The following TLE1 variants were observed in gnomAD, a reference collection of about 807,000 sequenced individuals.
The protein encoded by TLE1 is transducin-like enhancer protein 1.
A neutral mutation model predicts 89.8 loss-of-function variants in TLE1; 21 were observed. The ratio of observed to expected loss-of-function variants is 0.23; its 90% CI spans 0.17 to 0.34. The LOEUF (loss-of-function observed/expected upper bound fraction) is 0.34. Among genes scored for constraint, TLE1 ranks in the 10% least tolerant of loss-of-function variants. The pLI is 1.00. For missense variants in TLE1, 795 were observed against 1,031.2 expected, an observed-to-expected ratio of 0.77 and a Z score of 3.14; for synonymous variants, 447 against 407.6, an observed-to-expected ratio of 1.10 and a Z score of -1.16.
intron 4 of TLE1, among the ~76,000 whole-genome samples, chr9:81,655,861 A>G (rs1359080713): frequency 2.0e-5 from 3 of 151,612 alleles, no homozygotes; most frequent in Admixed American, 6.6e-5. Flanking sequence ...TCAAAAAAAA[A>G]AAAAAAAAGA....
At chr9:81,594,491 T>C (rs1018986032) in intron 14 of TLE1, among the ~76,000 whole-genome samples, 2 of 151,576 alleles carry the variant, frequency 1.3e-5, no homozygotes, top group South Asian at 4.2e-4. Context: ...ATGAGAACAA[T>C]GAGATCGCGC....
At chr9:81,645,098 G>A (rs1588103168) in intron 6 of TLE1, among the ~76,000 whole-genome samples, 2 of 150,746 alleles carry the variant, frequency 1.3e-5, no homozygotes, top group African/African-American at 4.9e-5. Context: ...AGTGCCTCAC[G>A]TCAGTAATCC....
intron 9 of TLE1, among the ~76,000 whole-genome samples, chr9:81,617,704 A>C (rs1439277425): frequency 6.6e-6 from 1 of 151,938 alleles, no homozygotes. Context: ...TCTGTCACAA[A>C]AAAATAAATA....
intron 10 of TLE1, 132 bp from the exon 11 acceptor site, chr9:81,616,266 C>T: frequency 9.0e-7 from 1 of 1,110,414 alleles, no homozygotes; most frequent in Non-Finnish European, 1.3e-6. Flanking sequence ...AGGTGACCAA[C>T]ACCATGTTAT....
At chr9:81,685,529 T>C (rs542104200) in intron 4 of TLE1, 147 bp downstream of exon 4, 1 of 691,166 alleles carries the variant, frequency 1.4e-6, no homozygotes, top group South Asian at 2.0e-5. Context: ...TGCAGAATAC[T>C]ACCATCAATC....
chr9:81,613,546 G>A (rs200658295), intron 11 of TLE1, 25 bp from the exon 12 acceptor site: 2 of 1,612,334 alleles, frequency 1.2e-6, no homozygotes, highest in African/African-American at 1.3e-5. Flanking sequence ...CAAATTAAAT[G>A]AGTATTATTT....
chr9:81,671,549 G>A (rs1832225859), intron 4 of TLE1, among the ~76,000 whole-genome samples: 1 of 151,738 alleles, frequency 6.6e-6, no homozygotes, highest in South Asian at 2.1e-4. Flanking sequence ...AGAGGCCAAG[G>A]CAGGAGAATC....
At chr9:81,618,838 T>C (rs1230443582) in intron 9 of TLE1, among the ~76,000 whole-genome samples, 1 of 152,242 alleles carries the variant, frequency 6.6e-6, no homozygotes, top group Non-Finnish European at 1.5e-5. Flanking sequence ...ATTTAAATCT[T>C]AGCTTTGTAC....
intron 14 of TLE1, among the ~76,000 whole-genome samples, chr9:81,606,002 C>A (rs1323615508): frequency 2.0e-5 from 3 of 152,068 alleles, no homozygotes; most frequent in African/African-American, 7.3e-5. Flanking sequence ...TTTATGCAGC[C>A]AACAGACACA....
intron 4 of TLE1, among the ~76,000 whole-genome samples, chr9:81,657,882 G>A (rs1588146403): frequency 6.8e-6 from 1 of 146,716 alleles, no homozygotes; most frequent in Non-Finnish European, 1.5e-5. Context: ...AAAAAAGTCT[G>A]TACATGTTCA....
At chr9:81,585,003 T>TCCATCC (rs1828171362) in intron 18 of TLE1, among the ~76,000 whole-genome samples, 3 of 97,768 alleles carry the variant, frequency 3.1e-5, no homozygotes, top group African/African-American at 1.1e-4. Context: ...TCCATCCATC[T>TCCATCC]ATGCATACTG....
chr9:81,632,686 G>A lies in TLE1; in HGVS notation c.594+662C>T, dbSNP rs1017239617. 3.3e-5 allele frequency among the ~76,000 whole-genome samples: 5 copies of A among 152,148 alleles called. 1 individual carries two copies. The highest frequency in any genetic ancestry group is 7.3e-5 in the Non-Finnish European group (5 of 68,028). ...CAGATCAAATGTACACATGAAAAAT[G>A]AGTGTGACTTAGGCTGGTGAAAACA... On this transcript the variant is annotated intron_variant, in intron 8 of 19. Transcript: ENST00000376499.
At chr9:81,587,908 G>GTGTGTGTGTGTGTGTCATCCCGCC in intron 16 of TLE1, 80 bp from the exon 17 acceptor site, 36 of 601,376 alleles carry the variant, frequency 6.0e-5, no homozygotes, top group Non-Finnish European at 7.4e-5. Flanking sequence ...GTTTTGGACC[G>GTGTGTGTGTGTGTGTCATCCCGCC]TGTGTGTGTG....
intron 4 of TLE1, among the ~76,000 whole-genome samples, chr9:81,673,244 G>A (rs753484): frequency 0.31 from 41,571 of 135,706 alleles, 6,907 homozygotes; most frequent in Middle Eastern, 0.48. Flanking sequence ...TTGCACTCCA[G>A]CCTGGGGGAC....
intron 17 of TLE1, 24 bp downstream of exon 17, chr9:81,587,657 G>C (rs925986470): frequency 6.3e-7 from 1 of 1,596,494 alleles, no homozygotes; most frequent in African/African-American, 1.3e-5. Flanking sequence ...CAGACTCCAG[G>C]GCAGGCGGAA....
intron 11 of TLE1, among the ~76,000 whole-genome samples, chr9:81,614,515 C>A (rs1587971939): frequency 6.6e-6 from 1 of 152,118 alleles, no homozygotes; most frequent in Non-Finnish European, 1.5e-5. Context: ...GTCCAAGAAC[C>A]ACTACAGCGT....
intron 6 of TLE1, among the ~76,000 whole-genome samples, chr9:81,635,410 T>G (rs912958571): frequency 6.6e-6 from 1 of 152,184 alleles, no homozygotes; most frequent in Non-Finnish European, 1.5e-5. Context: ...ATTCCAGAAG[T>G]TCTAAGTCTG....
chr9:81,687,291 C>G (rs1357922282), intron 2 of TLE1, 43 bp downstream of exon 2: 1 of 1,551,660 alleles, frequency 6.4e-7, no homozygotes, highest in Admixed American at 1.9e-5. Flanking sequence ...CAAGGGGCAC[C>G]GGGACGCCCG....
chr9:81,636,375 G>A (rs1026293863), intron 6 of TLE1, among the ~76,000 whole-genome samples: 5 of 146,142 alleles, frequency 3.4e-5, no homozygotes, highest in Admixed American at 7.2e-5. Flanking sequence ...CTTGGAGAAG[G>A]ATGAGGAACA....
Sources: gnomAD v4.1 joint callset for allele counts (sites outside exome capture counted in the v4.1 genomes callset) on GRCh38, gnomAD v4.1.1 for gene constraint, MANE v1.5 for transcripts, NCBI Gene and HGNC (gene_info 2026-07-23, HGNC 2026-07-21) for gene names.